Variants in UMODL1 observed in about 807,000 individuals in gnomAD.
UMODL1 encodes uromodulin like 1.
Under a neutral mutation model 136.3 loss-of-function variants are expected in UMODL1, and 128 were observed. The observed-to-expected ratio is 0.94, with a 90% CI of 0.81 to 1.09. UMODL1 has a LOEUF of 1.09. Among genes scored for constraint, UMODL1 ranks in the 50% least tolerant of loss-of-function variants. UMODL1 has a pLI of 0.00. For synonymous variants in UMODL1, 721 were observed against 720.0 expected, an observed-to-expected ratio of 1.00 and a Z score of -0.02; for missense variants, 1,766 against 1,725.6, an observed-to-expected ratio of 1.02 and a Z score of -0.41.
intron 2 of UMODL1, among the ~76,000 whole-genome samples, chr21:42,079,912 C>G (rs1297357874): frequency 6.6e-6 from 1 of 152,158 alleles, no homozygotes. Context: ...GGAGGAGGAA[C>G]ATTTCAGGGC....
intron 1 of UMODL1, among the ~76,000 whole-genome samples, chr21:42,065,112 C>G (rs2066172677): frequency 6.6e-6 from 1 of 152,144 alleles, no homozygotes; most frequent in South Asian, 2.1e-4. Context: ...CAACCTCAGC[C>G]CCGGCAGAAA....
upstream of UMODL1, among the ~76,000 whole-genome samples, chr21:42,067,988 G>A (rs1484238224): frequency 2.6e-5 from 4 of 152,234 alleles, no homozygotes; most frequent in African/African-American, 4.8e-5. Flanking sequence ...GTGTGAGTGA[G>A]GGAGAGAGAG....
At chr21:42,072,093 A>G (rs1382717130) in intron 1 of UMODL1, among the ~76,000 whole-genome samples, 1 of 152,176 alleles carries the variant, frequency 6.6e-6, no homozygotes, top group Non-Finnish European at 1.5e-5. Context: ...AAAACAAAAA[A>G]GAAAGGGAGA....
At chr21:42,105,315 G>A (rs542818202) in intron 9 of UMODL1, among the ~76,000 whole-genome samples, 14 of 152,242 alleles carry the variant, frequency 9.2e-5, no homozygotes, top group South Asian at 2.1e-4. Flanking sequence ...ACCTTCAGGC[G>A]GATCCAGCCT....
intron 2 of UMODL1, among the ~76,000 whole-genome samples, chr21:42,078,863 C>A (rs1398308764): frequency 6.6e-6 from 1 of 152,246 alleles, no homozygotes; most frequent in Admixed American, 6.5e-5. Context: ...TCTAAGGAGA[C>A]CCTTCCTGTC....
In UMODL1 at chr21:42,119,831, AT is replaced by A. The variant is rs1189073713; in HGVS notation, c.2689+512del. ...ATTGGAGATTCATATTAATTTTTTG[AT>A]TTTTAGAATAAGAAGGACTTCCTAA... is the stretch of plus-strand genomic sequence containing the variant. On this transcript the variant is annotated intron_variant, in intron 15 of 22. Transcript: ENST00000408910. Among the ~76,000 whole-genome samples the A allele has an allele frequency of 2.0e-5, 3 of 152,332 alleles. No individual in the cohort carries two copies. In the East Asian group the frequency reaches 5.8e-4, roughly 29 times the overall value.
At chr21:42,081,479 G>C (rs1272676667) in intron 2 of UMODL1, among the ~76,000 whole-genome samples, 1 of 152,224 alleles carries the variant, frequency 6.6e-6, no homozygotes, top group African/African-American at 2.4e-5. Flanking sequence ...AGCGTTCTCA[G>C]GGCACTCAGT....
intron 22 of UMODL1, among the ~76,000 whole-genome samples, chr21:42,140,029 A>G (rs1171039776): frequency 6.6e-6 from 1 of 152,048 alleles, no homozygotes; most frequent in Non-Finnish European, 1.5e-5. Context: ...ACCTGGGAGG[A>G]TTGGCTTGAG....
intron 13 of UMODL1, 116 bp from the exon 14 acceptor site, chr21:42,115,757 G>C: frequency 1.3e-6 from 1 of 761,644 alleles, no homozygotes; most frequent in Non-Finnish European, 2.2e-6. Flanking sequence ...TAGAACACGG[G>C]TTGGCTTTGG....
rs376098587 is a variant in UMODL1, at chr21:42,129,774, G to A, written c.3752G>A (p.Trp1251Ter). The A allele has an allele frequency of 2.7e-5, 43 of 1,590,130 alleles. No homozygotes were observed. In the African/African-American group the frequency reaches 5.4e-4, roughly 20 times the overall value. ...SETSATHQMS[W>*]GPLIRSEGEP... ...ACCTCTGCCACACACCAGATGTCCT[G>A]GGGACCCCTCATCCGGTCTGAAGGT... is the stretch of plus-strand genomic sequence containing the variant. The change falls in exon 21 of 23, where the codon TGG becomes TAG. Residue 1251 changes from tryptophan (W) to a stop codon, truncating the protein, a stop_gained. Coordinates refer to ENST00000408910, the MANE Select transcript of UMODL1 (RefSeq NM_001004416.3). LOFTEE classifies it high-confidence loss of function.
intron 12 of UMODL1, 22 bp from the exon 13 acceptor site, chr21:42,113,551 G>T (rs777825636): frequency 1.7e-4 from 270 of 1,589,198 alleles, no homozygotes; most frequent in Non-Finnish European, 2.3e-4. Context: ...TGTAATTTTG[G>T]TGTTTATATT....
At chr21:42,097,813 A>C (rs2066576434) in intron 6 of UMODL1, among the ~76,000 whole-genome samples, 1 of 152,196 alleles carries the variant, frequency 6.6e-6, no homozygotes, top group South Asian at 2.1e-4. Context: ...GTACAGCCAG[A>C]ATGTTTTTAA....
intron 14 of UMODL1, among the ~76,000 whole-genome samples, 187 bp downstream of exon 14, chr21:42,116,172 C>CAAAAAAAA (rs56162491): frequency 9.3e-5 from 7 of 75,044 alleles, no homozygotes; most frequent in South Asian, 5.2e-4. Context: ...CCATCTCCAC[C>CAAAAAAAA]AAAAAAAAAA....
upstream of UMODL1, among the ~76,000 whole-genome samples, chr21:42,069,167 A>G (rs2066207505): frequency 6.6e-6 from 1 of 151,778 alleles, no homozygotes; most frequent in Non-Finnish European, 1.5e-5. Flanking sequence ...GCCATCATGC[A>G]GGAAAATATG....
intron 3 of UMODL1, 43 bp downstream of exon 3, chr21:42,084,288 G>A (rs767409060): frequency 8.7e-6 from 14 of 1,601,326 alleles, no homozygotes; most frequent in South Asian, 6.6e-5. Flanking sequence ...CAGCAAAGGC[G>A]GGTCTCGGTG....
intron 3 of UMODL1, 109 bp downstream of exon 3, chr21:42,084,354 A>G (rs9984740): frequency 0.043 from 54,446 of 1,258,056 alleles, 4,230 homozygotes; most frequent in African/African-American, 0.32. Context: ...GCAGTGACCG[A>G]TTTCATCAGG....
chr21:42,124,005 C>G (rs1411535925), intron 17 of UMODL1, among the ~76,000 whole-genome samples: 1 of 152,186 alleles, frequency 6.6e-6, no homozygotes, highest in African/African-American at 2.4e-5. Flanking sequence ...GGCACCTCCC[C>G]TTGCAGGTGA....
At chr21:42,124,741 C>T (rs917991701) in intron 17 of UMODL1, among the ~76,000 whole-genome samples, 1 of 152,034 alleles carries the variant, frequency 6.6e-6, no homozygotes, top group East Asian at 1.9e-4. Context: ...AACTCTGGGC[C>T]CTGGGCTTCT....
At chr21:42,107,994 G>C (rs2066746587) in intron 9 of UMODL1, among the ~76,000 whole-genome samples, 1 of 152,242 alleles carries the variant, frequency 6.6e-6, no homozygotes, top group Admixed American at 6.5e-5. Context: ...AGGGTGCAGA[G>C]GCTCACTGGC....
Sources: allele counts gnomAD v4.1 joint callset (sites outside exome capture counted in the v4.1 genomes callset), GRCh38; gene constraint gnomAD v4.1.1; transcripts MANE v1.5; gene names NCBI Gene and HGNC (gene_info 2026-07-23, HGNC 2026-07-21).